The following ZNF492 variants were observed in gnomAD, a reference collection of about 807,000 sequenced individuals.
ZNF492 encodes the protein zinc finger protein 492.
Under a neutral mutation model 6.4 loss-of-function variants are expected in ZNF492, and 3 were observed. The ratio of observed to expected loss-of-function variants is 0.47; its 90% confidence interval spans 0.21 to 1.22. The LOEUF (loss-of-function observed/expected upper bound fraction) is 1.22, where lower values mean the gene tolerates loss of function less well. ZNF492 is among the 50% of genes most tolerant of loss of function. ZNF492 has a pLI of 0.22. For synonymous variants in ZNF492, 112 were observed against 205.3 expected, an observed-to-expected ratio of 0.55 and a Z score of 3.89; for missense variants, 356 against 612.5, an observed-to-expected ratio of 0.58 and a Z score of 4.42.
intron 3 of ZNF492, among the ~76,000 whole-genome samples, chr19:22,659,082 G>A (rs1201134411): frequency 2.0e-5 from 3 of 151,326 alleles, no homozygotes; most frequent in Admixed American, 6.6e-5. Flanking sequence ...TAAATCTGTA[G>A]ATTGCATTGA....
intron 1 of ZNF492, among the ~76,000 whole-genome samples, chr19:22,650,236 C>A (rs1971925726): frequency 6.6e-6 from 1 of 152,062 alleles, no homozygotes; most frequent in African/African-American, 2.4e-5. Flanking sequence ...TGGTTCACTT[C>A]TGAACCTGGA....
In ZNF492 at chr19:22,664,189, T is replaced by C. The variant is rs1247345793; in HGVS notation, c.520T>C (p.Cys174Arg). The change falls in exon 4 of 4, where the codon TGT becomes CGT. Residue 174 changes from cysteine (C) to arginine (R), a missense_variant. Coordinates refer to ENST00000456783, the MANE Select transcript of ZNF492 (RefSeq NM_020855.3). ...SGEKPYKCKE[C>R]GKAYNETSNL... is the part of the protein sequence containing the mutation. ...AGAGAAACCCTACAAATGTAAAGAA[T>C]GTGGGAAAGCCTATAATGAGACCTC... 6.2e-7 allele frequency: 1 copy of C among 1,612,152 alleles called. No homozygotes were observed. Among genetic ancestry groups the C allele is most frequent in the Non-Finnish European group, 8.5e-7 (1 of 1,179,054 alleles).
chr19:22,634,363 T>C lies in ZNF492; in HGVS notation c.-205T>C, dbSNP rs1438928590. ...CTGCAGTCGGAGTATGGTCTAGTGT[T>C]CGCTGTTCTGCGTCCTCTGGTCCTA... On this transcript the variant is annotated 5_prime_UTR_variant, in exon 1 of 4. Coordinates refer to ENST00000456783, the MANE Select transcript of ZNF492 (RefSeq NM_020855.3). 1 of 1,149,462 alleles carries C rather than the reference T, an allele frequency of 8.7e-7. No individual in the cohort carries two copies. Among genetic ancestry groups the C allele is most frequent in the African/African-American group, 1.6e-5 (1 of 62,664 alleles). The allele number at this position is 1,149,462 out of a possible 1,614,324, so 71.2% of individuals were successfully genotyped here.
chr19:22,660,916 T>TC (rs1972052186), intron 3 of ZNF492, among the ~76,000 whole-genome samples: 2 of 147,388 alleles, frequency 1.4e-5, no homozygotes, highest in Non-Finnish European at 3.0e-5. Context: ...TTGATAGCTT[T>TC]TTTTTTTTTT....
intron 1 of ZNF492, 115 bp downstream of exon 1, chr19:22,634,589 C>G (rs1029699441): frequency 9.0e-7 from 1 of 1,106,860 alleles, no homozygotes; most frequent in Admixed American, 1.8e-5. Context: ...ATCTGCGCCC[C>G]AAGTTCGCCT....
rs566784703 is a variant in ZNF492, at chr19:22,666,465, A to G, written c.*1200A>G. Reference sequence around the variant, plus strand: ...CTTGGCCTCCCGCAATGCTGCAATTACAGGTGTTAGCCACTGCGCCTGCCT... The same window carrying G: ...CTTGGCCTCCCGCAATGCTGCAATTGCAGGTGTTAGCCACTGCGCCTGCCT... On this transcript the variant is annotated 3_prime_UTR_variant, in exon 4 of 4. Coordinates refer to ENST00000456783, the MANE Select transcript of ZNF492 (RefSeq NM_020855.3). 1 of 152,174 alleles carries G rather than the reference A, an allele frequency of 6.6e-6. No homozygotes were observed. The highest frequency in any genetic ancestry group is 2.4e-5 in the African/African-American group (1 of 41,444). 9.4% of individuals were successfully genotyped at this position (152,174 alleles called of 1,614,324 possible).
chr19:22,642,420 C>T (rs550899788), intron 1 of ZNF492, among the ~76,000 whole-genome samples: 10 of 93,870 alleles, frequency 1.1e-4, no homozygotes, highest in African/African-American at 3.2e-4. Flanking sequence ...GATGGAGTCT[C>T]GCACTGTTGC....
chr19:22,662,776 G>T (rs536031528), intron 3 of ZNF492, among the ~76,000 whole-genome samples: 2 of 151,124 alleles, frequency 1.3e-5, no homozygotes, highest in South Asian at 4.2e-4. Flanking sequence ...CTTTTTGATG[G>T]GGTTGTTAGT....
chr19:22,653,022 C>T (rs1220732799), intron 1 of ZNF492, among the ~76,000 whole-genome samples: 1 of 151,638 alleles, frequency 6.6e-6, no homozygotes, highest in Non-Finnish European at 1.5e-5. Flanking sequence ...AAATGTAGCA[C>T]TCAAAAATGT....
intron 3 of ZNF492, among the ~76,000 whole-genome samples, chr19:22,655,999 ATTT>A (rs1192860728): frequency 1.4e-5 from 2 of 139,886 alleles, no homozygotes; most frequent in African/African-American, 2.8e-5. Flanking sequence ...TAATTTTTAT[ATTT>A]TTAGTAGAGA....
intron 1 of ZNF492, among the ~76,000 whole-genome samples, chr19:22,645,319 G>A (rs994799271): frequency 2.6e-5 from 4 of 152,080 alleles, no homozygotes; most frequent in African/African-American, 9.7e-5. Flanking sequence ...AGTGCTGGGA[G>A]TACAGGCATG....
At chr19:22,640,755 A>G (rs1971818355) in intron 1 of ZNF492, among the ~76,000 whole-genome samples, 1 of 152,126 alleles carries the variant, frequency 6.6e-6, no homozygotes, top group Admixed American at 6.6e-5. Context: ...GTCCTAGCCT[A>G]TTTTGGTTGG....
intron 3 of ZNF492, among the ~76,000 whole-genome samples, chr19:22,661,385 T>G (rs1290023466): frequency 6.6e-6 from 1 of 152,146 alleles, no homozygotes; most frequent in Non-Finnish European, 1.5e-5. Flanking sequence ...TGAAATTATA[T>G]TGCCCTGTTT....
intron 1 of ZNF492, among the ~76,000 whole-genome samples, chr19:22,651,705 T>C (rs971496357): frequency 5.9e-5 from 9 of 152,002 alleles, no homozygotes; most frequent in Non-Finnish European, 1.2e-4. Flanking sequence ...AAGATTCCTA[T>C]TGGGGAAAAG....
intron 3 of ZNF492, 108 bp downstream of exon 3, chr19:22,654,123 A>C: frequency 7.5e-7 from 1 of 1,336,924 alleles, no homozygotes; most frequent in Non-Finnish European, 1.0e-6. Context: ...GTTCCAAAGG[A>C]AATAGTTTCT....
At position 22,666,080 on chromosome 19, in the gene ZNF492, T is replaced by G. The variant is rs886265145; in HGVS notation, c.*815T>G. On this transcript the variant is annotated 3_prime_UTR_variant, in exon 4 of 4. Transcript: ENST00000456783. Reference sequence around the variant, plus strand: ...TTTTAAAAGTAAATAACTCTCAAATTACTTCATACAAATAATGTTGTAATT... The same window carrying G: ...TTTTAAAAGTAAATAACTCTCAAATGACTTCATACAAATAATGTTGTAATT... 1 of 152,150 alleles carries G rather than the reference T, an allele frequency of 6.6e-6. No individual in the cohort carries two copies. Among genetic ancestry groups the G allele is most frequent in the Non-Finnish European group, 1.5e-5 (1 of 68,024 alleles). 9.4% of individuals were successfully genotyped at this position (152,150 alleles called of 1,614,324 possible).
intron 3 of ZNF492, among the ~76,000 whole-genome samples, chr19:22,654,605 CT>C (rs35048607): frequency 1.9e-3 from 246 of 130,066 alleles, no homozygotes; most frequent in Non-Finnish European, 1.8e-3. Flanking sequence ...TTTTCTCTTT[CT>C]TTTTTTTTTT....
intron 1 of ZNF492, among the ~76,000 whole-genome samples, chr19:22,651,727 A>C (rs919229819): frequency 1.4e-4 from 22 of 152,146 alleles, no homozygotes; most frequent in African/African-American, 5.1e-4. Flanking sequence ...TGGGGTCCTT[A>C]ATAAAGATGG....
rs201986860 is a variant in ZNF492 at position 22,664,090 on chromosome 19, T to G, written c.421T>G (p.Phe141Val). The G allele has an allele frequency of 8.6e-5, 138 of 1,605,146 alleles. 1 individual carries two copies. The African/African-American group carries it at 1.6e-3, about 19-fold the overall frequency. ...HTIRHTGKKS[F>V]KCKECEKSFC... ...GATAAGACATACTGGAAAGAAATCT[T>G]TCAAATGTAAAGAATGTGAAAAGTC... Residue 141 changes from phenylalanine (F) to valine (V), a missense_variant, in exon 4 of 4, where the codon TTC becomes GTC. Around this residue, in one of 7 missense-constraint regions of ZNF492, gnomAD observed 196 missense variants for 219.4 expected, o/e 0.89. Transcript: ENST00000456783.
Sources: gnomAD v4.1 joint callset for allele counts (sites outside exome capture counted in the v4.1 genomes callset) on GRCh38, gnomAD v4.1.1 for gene constraint, gnomAD v4.1.1 regional missense constraint, MANE v1.5 for transcripts, NCBI Gene and HGNC (gene_info 2026-07-23, HGNC 2026-07-21) for gene names.